Variants in NCALD observed in about 807,000 individuals in gnomAD.
NCALD encodes the protein neurocalcin delta, also known as neurocalcin-delta.
NCALD carries 10 observed loss-of-function variants against 18.6 expected under a neutral mutation model. The observed-to-expected ratio is 0.54, with a 90% CI of 0.33 to 0.91. The LOEUF (loss-of-function observed/expected upper bound fraction) is 0.91, where lower values mean the gene tolerates loss of function less well. Among genes scored for constraint, NCALD ranks in the 40% least tolerant of loss-of-function variants. The probability of loss-of-function intolerance (pLI) is 0.03; values close to 1 mark genes in which losing one functional copy is unlikely to be tolerated. For missense variants in NCALD, 184 were observed against 247.6 expected, an observed-to-expected ratio of 0.74 and a Z score of 1.72; for synonymous variants, 88 against 87.4, an observed-to-expected ratio of 1.01 and a Z score of -0.04.
At chr8:101,873,022 G>A (rs1025532335) in intron 4 of NCALD, among the ~76,000 whole-genome samples, 4 of 152,154 alleles carry the variant, frequency 2.6e-5, no homozygotes, top group African/African-American at 7.2e-5. Context: ...GCATTTCTCT[G>A]CAGTAGATTT....
intron 1 of NCALD, among the ~76,000 whole-genome samples, chr8:102,051,476 T>C (rs1478647526): frequency 2.0e-5 from 3 of 152,218 alleles, no homozygotes; most frequent in East Asian, 3.8e-4. Context: ...AATTTACCTA[T>C]TCACCTCAAC....
chr8:101,849,134 T>C (rs560621260), intron 4 of NCALD, among the ~76,000 whole-genome samples: 2 of 152,266 alleles, frequency 1.3e-5, no homozygotes, highest in South Asian at 2.1e-4. Flanking sequence ...CATGTTCTAC[T>C]TATAAGTGGG....
intron 4 of NCALD, among the ~76,000 whole-genome samples, chr8:101,817,847 C>T (rs13251735): frequency 0.62 from 94,361 of 152,124 alleles, 32,510 homozygotes; most frequent in Non-Finnish European, 0.77. Flanking sequence ...ATTTGGTTCT[C>T]AAGGAGCAAT....
chr8:102,102,520 A>G (rs1182366815), intron 1 of NCALD, among the ~76,000 whole-genome samples: 1 of 152,180 alleles, frequency 6.6e-6, no homozygotes, highest in African/African-American at 2.4e-5. Context: ...TTTATTGCAC[A>G]GATGAGGTAT....
chr8:101,945,739 G>A (rs1020300729), intron 2 of NCALD, among the ~76,000 whole-genome samples: 4 of 152,170 alleles, frequency 2.6e-5, no homozygotes, highest in African/African-American at 4.8e-5. Flanking sequence ...AATGGCCAAC[G>A]TTAGTCCAGA....
At chr8:101,875,295 C>T (rs1019163507) in intron 4 of NCALD, among the ~76,000 whole-genome samples, 12 of 152,240 alleles carry the variant, frequency 7.9e-5, no homozygotes, top group Non-Finnish European at 1.8e-4. Context: ...GCTCTTCATC[C>T]TGTTCCGGGA....
chr8:102,075,065 A>G (rs1587024432), intron 1 of NCALD, among the ~76,000 whole-genome samples: 1 of 152,192 alleles, frequency 6.6e-6, no homozygotes, highest in Non-Finnish European at 1.5e-5. Context: ...TGCTTACTTT[A>G]TATTGGTCAG....
intron 4 of NCALD, among the ~76,000 whole-genome samples, chr8:101,880,085 A>AG (rs1214726921): frequency 2.0e-4 from 2 of 9,944 alleles, no homozygotes; most frequent in Admixed American, 1.0e-3. Context: ...TGTGGGGGGG[A>AG]GGGGGGGCGG....
chr8:102,095,800 A>G (rs1251708389), intron 1 of NCALD, among the ~76,000 whole-genome samples: 3 of 152,234 alleles, frequency 2.0e-5, no homozygotes, highest in Non-Finnish European at 4.4e-5. Flanking sequence ...TAGTTTCTAA[A>G]TGTATGTGTA....
intron 2 of NCALD, among the ~76,000 whole-genome samples, chr8:101,961,987 G>C (rs1046802456): frequency 6.6e-6 from 1 of 152,102 alleles, no homozygotes; most frequent in Non-Finnish European, 1.5e-5. Context: ...CAAAACCCTA[G>C]ATGAAAATCT....
At chr8:101,706,257 A>G (rs544462324) in intron 2 of NCALD, among the ~76,000 whole-genome samples, 2 of 151,678 alleles carry the variant, frequency 1.3e-5, no homozygotes, top group Non-Finnish European at 2.9e-5. Flanking sequence ...GTGGAGATAG[A>G]TGGTGGAGGA....
At chr8:102,023,619 G>C (rs1179630632) in intron 1 of NCALD, among the ~76,000 whole-genome samples, 5 of 152,190 alleles carry the variant, frequency 3.3e-5, no homozygotes, top group East Asian at 1.9e-4. Flanking sequence ...AAAAGTGCCA[G>C]GGATTTGGAT....
At chr8:101,801,572 G>A (rs1484386999) in intron 4 of NCALD, among the ~76,000 whole-genome samples, 1 of 138,942 alleles carries the variant, frequency 7.2e-6, no homozygotes, top group African/African-American at 2.6e-5. Flanking sequence ...TCCCTGAATG[G>A]AAATTAAGCA....
At chr8:101,831,099 T>A (rs1379643803) in intron 4 of NCALD, among the ~76,000 whole-genome samples, 3 of 152,152 alleles carry the variant, frequency 2.0e-5, no homozygotes, top group African/African-American at 7.2e-5. Flanking sequence ...CCTCAATCCA[T>A]ATTTTCAGTA....
chr8:101,767,093 A>G (rs960846095), intron 1 of NCALD, among the ~76,000 whole-genome samples: 7 of 152,226 alleles, frequency 4.6e-5, no homozygotes, highest in Non-Finnish European at 8.8e-5. Context: ...CCTAGAGCTT[A>G]GAGACAGGCA....
intron 2 of NCALD, among the ~76,000 whole-genome samples, chr8:101,940,800 G>A (rs961153379): frequency 6.6e-6 from 1 of 152,074 alleles, no homozygotes; most frequent in Non-Finnish European, 1.5e-5. Context: ...AAAAATGAGT[G>A]GTTTCTAAGC....
At chr8:101,853,375 G>T (rs1815176834) in intron 4 of NCALD, among the ~76,000 whole-genome samples, 1 of 152,024 alleles carries the variant, frequency 6.6e-6, no homozygotes, top group South Asian at 2.1e-4. Context: ...GGGAATAAAA[G>T]ATCCCATAAA....
chr8:101,972,857 T>C (rs532084315), intron 2 of NCALD, among the ~76,000 whole-genome samples: 2 of 152,244 alleles, frequency 1.3e-5, no homozygotes, highest in Admixed American at 6.5e-5. Flanking sequence ...CAGAACTGCA[T>C]AGGGTAAGCT....
chr8:101,965,885 T>A (rs1820007721), intron 2 of NCALD, among the ~76,000 whole-genome samples: 1 of 152,206 alleles, frequency 6.6e-6, no homozygotes, highest in South Asian at 2.1e-4. Flanking sequence ...TGCTGTGTTA[T>A]TCCCACATTA....
Sources: allele counts gnomAD v4.1 joint callset (sites outside exome capture counted in the v4.1 genomes callset), GRCh38; gene constraint gnomAD v4.1.1; transcripts MANE v1.5; gene names NCBI Gene and HGNC (gene_info 2026-07-23, HGNC 2026-07-21).